CASP9: variants seen among roughly 807,000 people sequenced by gnomAD.
The protein encoded by CASP9 is caspase-9.
A neutral mutation model predicts 43.5 loss-of-function variants in CASP9; 29 were observed. That is an observed-to-expected ratio of 0.67 (90% CI 0.50 to 0.91). The LOEUF is 0.91. Among genes scored for constraint, CASP9 ranks in the 40% least tolerant of loss-of-function variants. The pLI is 0.00. For missense variants in CASP9, 575 were observed against 537.4 expected (o/e 1.07, Z -0.69); for synonymous variants, 206 against 211.9 (o/e 0.97, Z 0.24).
Position 15,518,114 on chromosome 1 carries a change from A to G in CASP9, c.414T>C (p.Asp138=). 6.2e-7 allele frequency: 1 copy of G among 1,613,832 alleles called. No individual in the cohort carries two copies. Among genetic ancestry groups the G allele is most frequent in the Non-Finnish European group, 8.5e-7 (1 of 1,179,748 alleles). ...PVDIGSGGFG[D]VGALESLRGN... Reference sequence around the variant, plus strand: ...AATCACTCTCTTGCTACTTACCGACATCACCAAATCCTCCAGAACCAATGT... The same window carrying G: ...AATCACTCTCTTGCTACTTACCGACGTCACCAAATCCTCCAGAACCAATGT... The change falls in exon 2 of 9, where the codon GAT becomes GAC. Residue 138 remains aspartate (D), a synonymous_variant. Transcript: ENST00000333868.
chr1:15,495,525 G>T, intron 6 of CASP9, 73 bp from the exon 7 acceptor site: 1 of 1,285,922 alleles, frequency 7.8e-7, no homozygotes, highest in Non-Finnish European at 1.1e-6. Flanking sequence ...TATGAAAGTC[G>T]GTGCAATATA....
chr1:15,502,880 G>A (rs1161258213), intron 6 of CASP9, among the ~76,000 whole-genome samples: 1 of 152,228 alleles, frequency 6.6e-6, no homozygotes, highest in African/African-American at 2.4e-5. Flanking sequence ...GGATAAGACA[G>A]GAGGTGAGGC....
At chr1:15,523,109 T>C (rs967360859) in intron 1 of CASP9, among the ~76,000 whole-genome samples, 25 of 152,160 alleles carry the variant, frequency 1.6e-4, no homozygotes, top group African/African-American at 4.8e-4. Context: ...GAGACAAAGA[T>C]GGGAAAGTGC....
intron 1 of CASP9, among the ~76,000 whole-genome samples, chr1:15,523,449 G>A (rs1170465061): frequency 6.6e-6 from 1 of 152,176 alleles, no homozygotes; most frequent in East Asian, 1.9e-4. Context: ...AAGTAAAAAC[G>A]CACACGCCTC....
intron 1 of CASP9, among the ~76,000 whole-genome samples, chr1:15,522,902 C>T (rs1171812503): frequency 6.6e-6 from 1 of 152,226 alleles, no homozygotes; most frequent in Non-Finnish European, 1.5e-5. Flanking sequence ...TACTGTTCCC[C>T]AGTAGGGGCC....
chr1:15,505,681 G>C (rs1475054089), intron 5 of CASP9, among the ~76,000 whole-genome samples: 1 of 152,100 alleles, frequency 6.6e-6, no homozygotes, highest in Non-Finnish European at 1.5e-5. Context: ...CAGGAGCTGA[G>C]ACAACATGTG....
upstream of CASP9, chr1:15,524,395 C>G (rs1198687561): frequency 7.3e-7 from 1 of 1,363,880 alleles, no homozygotes; most frequent in East Asian, 3.1e-5. Flanking sequence ...CTTGCGTCAC[C>G]GCCCCGCCCT....
chr1:15,516,322 T>A (rs1709946395), intron 2 of CASP9, among the ~76,000 whole-genome samples: 1 of 150,950 alleles, frequency 6.6e-6, no homozygotes, highest in Non-Finnish European at 1.5e-5. Flanking sequence ...AGACCCTGTC[T>A]CTACAAAAAA....
chr1:15,495,970 GCT>G (rs1223676492), intron 6 of CASP9, among the ~76,000 whole-genome samples: 1 of 152,088 alleles, frequency 6.6e-6, no homozygotes, highest in African/African-American at 2.4e-5. Context: ...CCCCTACCCT[GCT>G]CTTACCTGAA....
chr1:15,523,602 G>T (rs10803388), intron 1 of CASP9, among the ~76,000 whole-genome samples: 3 of 151,848 alleles, frequency 2.0e-5, no homozygotes, highest in African/African-American at 7.3e-5. Context: ...GGTCATATCT[G>T]ATAAATGCTT....
At chr1:15,496,075 C>T (rs1204276624) in intron 6 of CASP9, among the ~76,000 whole-genome samples, 1 of 152,114 alleles carries the variant, frequency 6.6e-6, no homozygotes, top group Non-Finnish European at 1.5e-5. Flanking sequence ...GTCTCCTGGG[C>T]GTGCATCCTT....
chr1:15,502,876 G>A (rs2103342232), intron 6 of CASP9, among the ~76,000 whole-genome samples: 1 of 152,324 alleles, frequency 6.6e-6, no homozygotes, highest in East Asian at 1.9e-4. Context: ...CTGTGGATAA[G>A]ACAGGAGGTG....
chr1:15,497,535 C>T (rs891354918), intron 6 of CASP9, among the ~76,000 whole-genome samples: 3 of 151,384 alleles, frequency 2.0e-5, no homozygotes, highest in African/African-American at 7.3e-5. Flanking sequence ...CCCAGCTACT[C>T]AGGAGGCTGA....
chr1:15,493,386 A>G (rs947013333), intron 8 of CASP9: 107 of 1,230,520 alleles, frequency 8.7e-5, no homozygotes, highest in Admixed American at 3.2e-4. Context: ...GGACCCTCAG[A>G]GGAAGCAACT....
chr1:15,500,801 C>G lies in CASP9; in HGVS notation c.868+3810G>C, dbSNP rs60398711. Among the ~76,000 whole-genome samples the G allele has an allele frequency of 3.6e-3, 547 of 150,758 alleles. 5 individuals carry two copies. The highest frequency in any genetic ancestry group is 0.023 in the East Asian group (117 of 5,126). ...GCAGCCTGTGGGGGCGGAGGGATGC[C>G]TAAGTGGGGGATGCCGTTAAGAATG... is the stretch of plus-strand genomic sequence containing the variant. On this transcript the variant is annotated intron_variant, in intron 6 of 8. Coordinates refer to ENST00000333868, the MANE Select transcript of CASP9 (RefSeq NM_001229.5).
intron 5 of CASP9, 67 bp downstream of exon 5, chr1:15,505,923 C>T (rs1286052145): frequency 2.7e-5 from 34 of 1,246,050 alleles, no homozygotes; most frequent in Non-Finnish European, 4.0e-5. Flanking sequence ...GGGACATGGC[C>T]CCTGCACAGC....
rs1405553039 is a variant in CASP9 at position 15,492,260 on chromosome 1, A to G, written c.*683T>C. ...GAGTTGGAGCAAAATGAGGGAAGAA[A>G]TAGGCAAAAGAGAGTCCATATTTGC... On this transcript the variant is annotated 3_prime_UTR_variant, in exon 9 of 9. Transcript: ENST00000333868. 1.3e-5 allele frequency: 2 copies of G among 152,230 alleles called. No homozygotes were observed. The highest frequency in any genetic ancestry group is 2.4e-5 in the African/African-American group (1 of 41,456). 9.4% of individuals were successfully genotyped at this position (152,230 alleles called of 1,614,324 possible).
rs1275788028 is a variant in CASP9 at position 15,491,535 on chromosome 1, A to T, written c.*1408T>A. Reference sequence around the variant, plus strand: ...CACTTTGGGAGGCTAAGGCAGGCTGATCGCTTGAGTCCAGGAGTTCAAGAC... The same window carrying T: ...CACTTTGGGAGGCTAAGGCAGGCTGTTCGCTTGAGTCCAGGAGTTCAAGAC... On this transcript the variant is annotated 3_prime_UTR_variant, in exon 9 of 9. Transcript: ENST00000333868. The T allele has an allele frequency of 1.8e-6, 1 of 546,016 alleles. No individual in the cohort carries two copies. Among genetic ancestry groups the T allele is most frequent in the Non-Finnish European group, 3.2e-6 (1 of 308,812 alleles). The allele number at this position is 546,016 out of a possible 1,614,324, so 33.8% of individuals were successfully genotyped here.
chr1:15,524,017 G>C, intron 1 of CASP9, 52 bp downstream of exon 1: 1 of 1,344,286 alleles, frequency 7.4e-7, no homozygotes, highest in South Asian at 1.3e-5. Context: ...GCCTCCTCGA[G>C]GGGCGTGGGG....
Sources: gnomAD v4.1 joint callset for allele counts (sites outside exome capture counted in the v4.1 genomes callset) on GRCh38, gnomAD v4.1.1 for gene constraint, MANE v1.5 for transcripts, NCBI Gene and HGNC (gene_info 2026-07-23, HGNC 2026-07-21) for gene names.